MEP1A: variants seen among roughly 807,000 people sequenced by gnomAD.
MEP1A encodes the protein meprin A subunit alpha, also known as N-benzoyl-L-tyrosyl-P-amino-benzoic acid hydrolase subunit alpha.
Under a neutral mutation model 84.5 loss-of-function variants are expected in MEP1A, and 68 were observed. The observed-to-expected ratio is 0.80, with a 90% confidence interval of 0.66 to 0.98. The LOEUF (loss-of-function observed/expected upper bound fraction) is 0.98. MEP1A is among the 50% of genes least tolerant of loss of function. The pLI is 0.00. For synonymous variants in MEP1A, 337 were observed against 336.8 expected (o/e 1.00, Z -0.01); for missense variants, 887 against 919.9 (o/e 0.96, Z 0.46).
intron 4 of MEP1A, 104 bp downstream of exon 4, chr6:46,798,750 A>G: frequency 1.1e-6 from 1 of 944,740 alleles, no homozygotes; most frequent in Non-Finnish European, 1.7e-6. Context: ...TGTGAAGGAG[A>G]TGAGAGAAAT....
At chr6:46,835,190 A>T in intron 12 of MEP1A, 59 bp from the exon 13 acceptor site, 1 of 1,415,800 alleles carries the variant, frequency 7.1e-7, no homozygotes, top group Non-Finnish European at 9.6e-7. Flanking sequence ...CAGAAGTGGG[A>T]GTTAATTGTA....
intron 11 of MEP1A, among the ~76,000 whole-genome samples, chr6:46,834,197 A>T (rs946016240): frequency 3.3e-5 from 5 of 151,824 alleles, no homozygotes; most frequent in Admixed American, 1.3e-4. Flanking sequence ...TGCTAGGATT[A>T]CAGGCGTGAG....
downstream of MEP1A, among the ~76,000 whole-genome samples, chr6:46,842,196 G>A (rs149558208): frequency 1.7e-3 from 255 of 152,288 alleles, 3 homozygotes; most frequent in African/African-American, 5.6e-3. Flanking sequence ...TAAAACATGT[G>A]TGTTTGAACA....
At chr6:46,807,525 A>G (rs576239833) in intron 5 of MEP1A, among the ~76,000 whole-genome samples, 2 of 26,376 alleles carry the variant, frequency 7.6e-5, no homozygotes, top group South Asian at 3.4e-3. Context: ...AGAAAGAAAG[A>G]AAGAAAGAAA....
At chr6:46,808,698 A>G (rs1467357280) in intron 5 of MEP1A, among the ~76,000 whole-genome samples, 3 of 152,014 alleles carry the variant, frequency 2.0e-5, no homozygotes, top group African/African-American at 7.2e-5. Context: ...ATTGGTCCCC[A>G]CAGGTTACTA....
Position 46,816,830 on chromosome 6 carries a change from C to A in MEP1A, c.381-2699C>A, listed in dbSNP as rs1767647628. Reference sequence around the variant, plus strand: ...TGTAGGCTTTTCCCCACTTCCTTGGCAACCTGTATGACTCAGCAGGGGCAG... The same window carrying A: ...TGTAGGCTTTTCCCCACTTCCTTGGAAACCTGTATGACTCAGCAGGGGCAG... On this transcript the variant is annotated intron_variant, in intron 6 of 13. Transcript: ENST00000230588. Among the ~76,000 whole-genome samples, 5 of 152,216 alleles carry A rather than the reference C, an allele frequency of 3.3e-5. No homozygotes were observed. In the South Asian group the frequency reaches 8.3e-4, roughly 25 times the overall value.
In MEP1A at chr6:46,825,481, A is replaced by G; in HGVS notation, c.766A>G (p.Met256Val). ...SAIDLERLNR[M>V]YNCTTTHTLL... ...CATTGATTTAGAGAGGCTGAACCGA[A>G]TGTACAATTGCAGTGAGTATCTCAG... Residue 256 changes from methionine to valine, a missense_variant, in exon 8 of 14, where the codon ATG becomes GTG. By Grantham distance (21) the Met-to-Val change is conservative. Coordinates refer to ENST00000230588, the MANE Select transcript of MEP1A (RefSeq NM_005588.3). The G allele has an allele frequency of 6.2e-7, 1 of 1,610,382 alleles. No homozygotes were observed. The highest frequency in any genetic ancestry group is 1.1e-5 in the South Asian group (1 of 90,792).
chr6:46,820,988 C>T (rs898956884), intron 7 of MEP1A, among the ~76,000 whole-genome samples: 5 of 152,206 alleles, frequency 3.3e-5, no homozygotes, highest in Admixed American at 6.5e-5. Context: ...ATTTTATATG[C>T]GGATTCATAT....
chr6:46,832,185 G>A (rs1768092344), intron 10 of MEP1A, among the ~76,000 whole-genome samples: 1 of 152,160 alleles, frequency 6.6e-6, no homozygotes, highest in East Asian at 1.9e-4. Flanking sequence ...ACTTCCACTT[G>A]GAAGCATTTT....
At chr6:46,805,253 A>G (rs1409825155) in intron 5 of MEP1A, among the ~76,000 whole-genome samples, 1 of 151,908 alleles carries the variant, frequency 6.6e-6, no homozygotes, top group Non-Finnish European at 1.5e-5. Context: ...TGCTGGTACC[A>G]TTTTATACAA....
At chr6:46,829,308 T>C in intron 9 of MEP1A, 48 bp from the exon 10 acceptor site, 1 of 1,525,718 alleles carries the variant, frequency 6.6e-7, no homozygotes, top group Non-Finnish European at 9.1e-7. Context: ...GACAGAACCC[T>C]GGGGTGTGGG....
chr6:46,808,501 T>C (rs563366303), intron 5 of MEP1A, among the ~76,000 whole-genome samples: 61 of 152,252 alleles, frequency 4.0e-4, no homozygotes, highest in Admixed American at 1.8e-3. Context: ...AATTTTATTT[T>C]ATATAACTTG....
intron 5 of MEP1A, among the ~76,000 whole-genome samples, chr6:46,807,568 G>GAA (rs1343800950): frequency 1.0e-3 from 45 of 42,958 alleles, no homozygotes; most frequent in African/African-American, 4.8e-3. Flanking sequence ...AAGAAAGAAA[G>GAA]GAAGGAAGGA....
intron 6 of MEP1A, among the ~76,000 whole-genome samples, chr6:46,814,962 G>A (rs189547937): frequency 6.6e-6 from 1 of 152,194 alleles, no homozygotes; most frequent in South Asian, 2.1e-4. Context: ...GGAATGAAGT[G>A]GACTCTGTGA....
At chr6:46,830,624 C>T (rs1768055906) in intron 10 of MEP1A, among the ~76,000 whole-genome samples, 2 of 152,166 alleles carry the variant, frequency 1.3e-5, no homozygotes, top group South Asian at 2.1e-4. Flanking sequence ...CATCCAACTG[C>T]CTACCTTAGC....
At chr6:46,841,207 G>C (rs10755731), downstream of MEP1A, among the ~76,000 whole-genome samples, 3 of 151,998 alleles carry the variant, frequency 2.0e-5, no homozygotes, top group South Asian at 2.1e-4. Flanking sequence ...TAATGATAAG[G>C]AGGTACCAGA....
chr6:46,816,939 G>T (rs893944945), intron 6 of MEP1A, among the ~76,000 whole-genome samples: 1 of 152,120 alleles, frequency 6.6e-6, no homozygotes, highest in Non-Finnish European at 1.5e-5. Flanking sequence ...CCTATTGTTT[G>T]GTGCAAGGTT....
chr6:46,800,580 C>T (rs969920282), intron 5 of MEP1A, among the ~76,000 whole-genome samples: 2 of 152,156 alleles, frequency 1.3e-5, no homozygotes, highest in Non-Finnish European at 2.9e-5. Flanking sequence ...TCAAGCAATA[C>T]CACGTGAAGG....
intron 8 of MEP1A, 56 bp from the exon 9 acceptor site, chr6:46,826,298 C>T: frequency 6.7e-7 from 1 of 1,483,962 alleles, no homozygotes; most frequent in African/African-American, 1.4e-5. Flanking sequence ...AAGACATTAG[C>T]TATTTGGAAT....
Sources: gnomAD v4.1 joint callset for allele counts (sites outside exome capture counted in the v4.1 genomes callset) on GRCh38, gnomAD v4.1.1 for gene constraint, MANE v1.5 for transcripts, NCBI Gene and HGNC (gene_info 2026-07-23, HGNC 2026-07-21) for gene names.